The following TG variants were observed in gnomAD, a reference collection of about 807,000 sequenced individuals.
TG encodes thyroglobulin, also known as thyroid hormones.
In TG, 270 loss-of-function variants were observed where a neutral mutation model predicts 324.7. The ratio of observed to expected loss-of-function variants is 0.83; its 90% CI spans 0.75 to 0.92. The LOEUF (loss-of-function observed/expected upper bound fraction) is 0.92, where lower values mean the gene tolerates loss of function less well. TG is among the 40% of genes least tolerant of loss of function. TG has a pLI of 0.00. For missense variants in TG, 3,591 were observed against 3,456.4 expected (o/e 1.04, Z -0.98); for synonymous variants, 1,401 against 1,327.0 (o/e 1.06, Z -1.21).
intron 10 of TG, among the ~76,000 whole-genome samples, chr8:132,891,742 C>T (rs552098514): frequency 6.6e-6 from 1 of 152,314 alleles, no homozygotes; most frequent in Admixed American, 6.5e-5. Context: ...TTGCTTCGGA[C>T]ATTCAAAATC....
chr8:132,882,656 G>T, intron 7 of TG, 44 bp downstream of exon 7: 1 of 1,614,138 alleles, frequency 6.2e-7, no homozygotes, highest in Non-Finnish European at 8.5e-7. Flanking sequence ...CCATTAGGGG[G>T]ACGCCTCTTG....
chr8:132,971,080 G>A (rs913884366), intron 32 of TG, among the ~76,000 whole-genome samples: 3 of 152,206 alleles, frequency 2.0e-5, no homozygotes, highest in African/African-American at 7.2e-5. Flanking sequence ...TCAGACTGGA[G>A]CAGAGTGGTC....
rs544043844 is a variant in TG at position 132,867,040 on chromosome 8, A to C, written c.40A>C (p.Ile14Leu). 19 of 1,602,030 alleles carry C rather than the reference A, an allele frequency of 1.2e-5. No homozygotes were observed. The African/African-American group carries it at 2.3e-4, about 19-fold the overall frequency. ...GGAGATCTTCACCCTGCTGGCCTCCATCTGCTGGGTGTCGGCCAATATCTT... is the reference window on the plus strand; with the variant it reads ...GGAGATCTTCACCCTGCTGGCCTCCCTCTGCTGGGTGTCGGCCAATATCTT... ...VLEIFTLLAS[I>L]CWVSANIFEY... The change falls in exon 1 of 48, where the codon ATC (isoleucine) becomes CTC (leucine). Residue 14 changes from isoleucine (I) to leucine (L), a missense_variant. Ile to Leu is a conservative substitution (Grantham distance 5). Coordinates refer to ENST00000220616, the MANE Select transcript of TG (RefSeq NM_003235.5).
In TG at chr8:132,948,707, G is replaced by A. The variant is rs910168276; in HGVS notation, c.5234-69G>A. Reference sequence around the variant, plus strand: ...TATCTTTATTTGCAAATGCTCTCAGGGGACAGAGAAGAGTCTCTAAAGGTC... The same window carrying A: ...TATCTTTATTTGCAAATGCTCTCAGAGGACAGAGAAGAGTCTCTAAAGGTC... On this transcript the variant is annotated intron_variant, in intron 26 of 47. Coordinates refer to ENST00000220616, the MANE Select transcript of TG (RefSeq NM_003235.5). 7.2e-6 allele frequency: 11 copies of A among 1,533,762 alleles called. No homozygotes were observed. The South Asian group carries it at 1.0e-4, about 14-fold the overall frequency.
At chr8:132,918,430 G>A (rs1015908932) in intron 20 of TG, among the ~76,000 whole-genome samples, 2 of 152,154 alleles carry the variant, frequency 1.3e-5, no homozygotes, top group South Asian at 2.1e-4. Context: ...CTCCACTCTC[G>A]GAGGGAGGAT....
intron 34 of TG, among the ~76,000 whole-genome samples, chr8:132,980,640 A>G (rs928335254): frequency 6.6e-6 from 1 of 152,184 alleles, no homozygotes; most frequent in Non-Finnish European, 1.5e-5. Context: ...CAGGAGGCTC[A>G]GGGCTTGTGA....
At chr8:133,133,091 C>A (rs1026877983) in intron 46 of TG, among the ~76,000 whole-genome samples, 1 of 152,150 alleles carries the variant, frequency 6.6e-6, no homozygotes, top group Non-Finnish European at 1.5e-5. Context: ...ACCCTCCTGC[C>A]CGGGCCTTGG....
At chr8:133,000,251 G>A (rs1258913880) in intron 35 of TG, among the ~76,000 whole-genome samples, 1 of 152,152 alleles carries the variant, frequency 6.6e-6, no homozygotes, top group Admixed American at 6.5e-5. Flanking sequence ...TCATGCTATG[G>A]CACACACAGG....
chr8:133,099,133 A>C (rs1411183249), intron 43 of TG, among the ~76,000 whole-genome samples: 1 of 152,246 alleles, frequency 6.6e-6, no homozygotes, highest in Non-Finnish European at 1.5e-5. Flanking sequence ...AGAAGCCAGC[A>C]TTGAAGTTGG....
At chr8:133,027,144 C>T (rs949994085) in intron 40 of TG, among the ~76,000 whole-genome samples, 8 of 152,180 alleles carry the variant, frequency 5.3e-5, no homozygotes, top group Non-Finnish European at 1.0e-4. Context: ...AAGACCAGGG[C>T]GAGCCCAGAA....
intron 19 of TG, 54 bp downstream of exon 19, chr8:132,911,587 C>T: frequency 6.8e-7 from 1 of 1,478,562 alleles, no homozygotes; most frequent in Non-Finnish European, 9.5e-7. Flanking sequence ...CTCTGAGTCT[C>T]AGTTTTCTCA....
At chr8:133,090,233 G>A (rs1847272768) in intron 41 of TG, 1 of 152,222 alleles carries the variant, frequency 6.6e-6, no homozygotes, top group Admixed American at 6.5e-5. Context: ...CGTTTCTAGA[G>A]GCCCAGTGGT....
At chr8:132,965,981 G>T (rs1236798717) in intron 29 of TG, among the ~76,000 whole-genome samples, 3 of 152,222 alleles carry the variant, frequency 2.0e-5, no homozygotes, top group African/African-American at 7.2e-5. Flanking sequence ...TGAAGACAGA[G>T]TCAGGGAATG....
chr8:132,984,939 A>G (rs1045748480), intron 35 of TG, among the ~76,000 whole-genome samples: 2 of 151,506 alleles, frequency 1.3e-5, no homozygotes, highest in African/African-American at 2.4e-5. Context: ...CATCTCAAAA[A>G]AAAAAAAAAA....
chr8:133,088,459 T>C (rs1383351104), intron 41 of TG, among the ~76,000 whole-genome samples: 2 of 152,216 alleles, frequency 1.3e-5, no homozygotes, highest in East Asian at 1.9e-4. Context: ...ATCAGTTCTA[T>C]GACCTTGGAA....
intron 5 of TG, among the ~76,000 whole-genome samples, chr8:132,877,901 T>G (rs1354257355): frequency 6.6e-6 from 1 of 152,192 alleles, no homozygotes; most frequent in Non-Finnish European, 1.5e-5. Context: ...TTTCAATTTT[T>G]AAATATTGTG....
At chr8:132,897,163 C>G (rs930349774) in intron 11 of TG, among the ~76,000 whole-genome samples, 9 of 152,372 alleles carry the variant, frequency 5.9e-5, no homozygotes, top group Middle Eastern at 3.4e-3. Context: ...AGGCCAACCT[C>G]TCTTCTTTCT....
chr8:132,923,883 C>A (rs1011357040), intron 22 of TG, among the ~76,000 whole-genome samples: 1 of 152,102 alleles, frequency 6.6e-6, no homozygotes, highest in Admixed American at 6.6e-5. Flanking sequence ...CTCAGTAGGA[C>A]GTTGTAGAGC....
At chr8:132,916,970 TTTCC>T (rs1229917685) in intron 20 of TG, among the ~76,000 whole-genome samples, 30 of 149,420 alleles carry the variant, frequency 2.0e-4, no homozygotes, top group Middle Eastern at 3.5e-3. Context: ...TCCTTACTTC[TTTCC>T]TTCCTTCCTT....
Sources: gnomAD v4.1 joint callset for allele counts (sites outside exome capture counted in the v4.1 genomes callset) on GRCh38, gnomAD v4.1.1 for gene constraint, MANE v1.5 for transcripts, NCBI Gene and HGNC (gene_info 2026-07-23, HGNC 2026-07-21) for gene names.